ERO1A: variants seen among roughly 807,000 people sequenced by gnomAD.
ERO1A encodes the protein ERO1-like protein alpha.
Under a neutral mutation model 76.9 loss-of-function variants are expected in ERO1A, and 49 were observed. The observed-to-expected ratio is 0.64, with a 90% CI of 0.51 to 0.81. The LOEUF (loss-of-function observed/expected upper bound fraction) is 0.81, where lower values mean the gene tolerates loss of function less well. Ranked by LOEUF, ERO1A falls within the 30% of genes least tolerant of loss-of-function variation. The pLI is 0.00. For missense variants in ERO1A, 448 were observed against 542.1 expected, an observed-to-expected ratio of 0.83 and a Z score of 1.72; for synonymous variants, 174 against 181.2, an observed-to-expected ratio of 0.96 and a Z score of 0.32.
Position 52,640,519 on chromosome 14 carries a change from G to C in ERO1A, c.*3051C>G, listed in dbSNP as rs2043090357. 1 of 152,248 alleles carries C rather than the reference G, an allele frequency of 6.6e-6. No individual in the cohort carries two copies. The highest frequency in any genetic ancestry group is 2.1e-4 in the South Asian group (1 of 4,838). The allele number at this position is 152,248 out of a possible 1,614,324, so 9.4% of individuals were successfully genotyped here. A position where few individuals can be genotyped will look rare whatever the true frequency, so the allele number is the denominator to read the frequency against. On this transcript the variant is annotated 3_prime_UTR_variant, in exon 16 of 16. Transcript: ENST00000395686. ...AAACAGAGGAGTTTGGCTTTCTCCT[G>C]AAAGTTCCTGAAGTCACTGAAGGAT...
chr14:52,640,370 T>C lies in ERO1A; in HGVS notation c.*3200A>G, dbSNP rs1484010721. On this transcript the variant is annotated 3_prime_UTR_variant, in exon 16 of 16. Coordinates refer to ENST00000395686, the MANE Select transcript of ERO1A (RefSeq NM_014584.3). Reference sequence around the variant, plus strand: ...AAGTGGGGAAGGATGACTAGCATACTTGATGCAAAGAGTACAGCATTTACC... The same window carrying C: ...AAGTGGGGAAGGATGACTAGCATACCTGATGCAAAGAGTACAGCATTTACC... The C allele has an allele frequency of 6.6e-6, 1 of 152,230 alleles. No homozygotes were observed. Among genetic ancestry groups the C allele is most frequent in the Non-Finnish European group, 1.5e-5 (1 of 68,052 alleles). 9.4% of individuals were successfully genotyped at this position (152,230 alleles called of 1,614,324 possible).
intron 13 of ERO1A, among the ~76,000 whole-genome samples, chr14:52,649,421 T>C (rs2039777247): frequency 6.6e-6 from 1 of 152,198 alleles, no homozygotes; most frequent in Admixed American, 6.5e-5. Context: ...AACTGCTTTT[T>C]AAAAAAGTAA....
chr14:52,695,323 G>T, intron 1 of ERO1A, 45 bp downstream of exon 1: 1 of 1,303,352 alleles, frequency 7.7e-7, no homozygotes, highest in Non-Finnish European at 1.0e-6. Flanking sequence ...AGTGCACGCC[G>T]CGGAGGGCGC....
At chr14:52,646,490 A>G (rs895368671) in intron 13 of ERO1A, 29 bp from the exon 14 acceptor site, 1 of 1,527,256 alleles carries the variant, frequency 6.5e-7, no homozygotes, top group African/African-American at 1.4e-5. Context: ...GATTTTATTA[A>G]GATGTAATAT....
At chr14:52,658,487 C>G in intron 9 of ERO1A, 1 of 192,652 alleles carries the variant, frequency 5.2e-6, no homozygotes, top group Non-Finnish European at 1.0e-5. Flanking sequence ...GCCTTGATAA[C>G]AATTCATGCC....
At chr14:52,666,911 A>G (rs975657342) in intron 6 of ERO1A, among the ~76,000 whole-genome samples, 1 of 152,234 alleles carries the variant, frequency 6.6e-6, no homozygotes, top group African/African-American at 2.4e-5. Flanking sequence ...AGCTTGGGTG[A>G]CAGAGCGAGA....
At chr14:52,667,489 G>A (rs1162880376) in intron 6 of ERO1A, among the ~76,000 whole-genome samples, 1 of 152,148 alleles carries the variant, frequency 6.6e-6, no homozygotes, top group African/African-American at 2.4e-5. Context: ...GGAGGCCTGG[G>A]GGCAGACTGC....
chr14:52,644,741 G>A (rs2039587200), intron 15 of ERO1A, among the ~76,000 whole-genome samples: 1 of 151,904 alleles, frequency 6.6e-6, no homozygotes, highest in African/African-American at 2.4e-5. Flanking sequence ...AGTATTAAAC[G>A]TATGACTACA....
rs368537829 is a variant in ERO1A, at chr14:52,652,207, T to C, written c.1125+32A>G. On this transcript the variant is annotated intron_variant, in intron 13 of 15. Transcript: ENST00000395686. ...CATATCTGCATAAGTGTTAATCAGTTTGTATCTAACAGTTAAGTATAAAGT... is the reference window on the plus strand; with the variant it reads ...CATATCTGCATAAGTGTTAATCAGTCTGTATCTAACAGTTAAGTATAAAGT... 7.0e-6 allele frequency: 9 copies of C among 1,277,504 alleles called. No homozygotes were observed. The African/African-American group carries it at 8.8e-5, about 12-fold the overall frequency. 79.1% of individuals were successfully genotyped at this position (1,277,504 alleles called of 1,614,324 possible).
intron 1 of ERO1A, among the ~76,000 whole-genome samples, chr14:52,685,690 A>G (rs1402907178): frequency 1.3e-5 from 2 of 152,184 alleles, no homozygotes; most frequent in East Asian, 3.9e-4. Context: ...TTCATTTTTA[A>G]GGTTAAAATA....
At chr14:52,672,158 T>A in intron 4 of ERO1A, 1 of 213,022 alleles carries the variant, frequency 4.7e-6, no homozygotes, top group East Asian at 1.3e-4. Context: ...TACAAAAAAT[T>A]AGCAGGGCGT....
rs1342742130 is a variant in ERO1A at position 52,641,439 on chromosome 14, A to G, written c.*2131T>C. 4.2e-5 allele frequency: 6 copies of G among 143,558 alleles called. No homozygotes were observed. The highest frequency in any genetic ancestry group is 9.1e-5 in the Non-Finnish European group (6 of 66,052). The allele number at this position is 143,558 out of a possible 1,614,324, so 8.9% of individuals were successfully genotyped here. On this transcript the variant is annotated 3_prime_UTR_variant, in exon 16 of 16. Coordinates refer to ENST00000395686, the MANE Select transcript of ERO1A (RefSeq NM_014584.3). ...ACACGGTGAAACACTGCCTCTACTA[A>G]AAATACAAAAAAAAAAAAAAAAAAA...
Position 52,652,434 on chromosome 14 carries a change from C to T in ERO1A, c.1056-126G>A, listed in dbSNP as rs1328813420. 1.2e-5 allele frequency: 7 copies of T among 596,320 alleles called. No homozygotes were observed. In the East Asian group the frequency reaches 1.9e-4, roughly 16 times the overall value. The allele number at this position is 596,320 out of a possible 1,614,324, so 36.9% of individuals were successfully genotyped here. A position where few individuals can be genotyped will look rare whatever the true frequency, so the allele number is the denominator to read the frequency against. ...ACATAGTAAAACCAACACTCCGATGCCCCAAATCAAATTCTTATCCTCAAA... is the reference window on the plus strand; with the variant it reads ...ACATAGTAAAACCAACACTCCGATGTCCCAAATCAAATTCTTATCCTCAAA... On this transcript the variant is annotated intron_variant, in intron 12 of 15. Coordinates refer to ENST00000395686, the MANE Select transcript of ERO1A (RefSeq NM_014584.3).
intron 8 of ERO1A, among the ~76,000 whole-genome samples, chr14:52,662,876 G>A (rs1393773542): frequency 1.3e-5 from 2 of 152,062 alleles, no homozygotes; most frequent in Non-Finnish European, 2.9e-5. Flanking sequence ...CTACCCATAT[G>A]GCAGAGTACT....
chr14:52,665,607 A>G (rs1245488485), intron 7 of ERO1A, among the ~76,000 whole-genome samples: 2 of 151,808 alleles, frequency 1.3e-5, no homozygotes, highest in Admixed American at 1.3e-4. Flanking sequence ...CTAAGACAGC[A>G]TAATGTGCTC....
chr14:52,695,015 A>G (rs1234464769), intron 1 of ERO1A, among the ~76,000 whole-genome samples: 1 of 152,226 alleles, frequency 6.6e-6, no homozygotes, highest in Non-Finnish European at 1.5e-5. Flanking sequence ...GAGAAGTGAG[A>G]AAGATCCAGG....
At chr14:52,661,001 C>T (rs938377866) in intron 9 of ERO1A, among the ~76,000 whole-genome samples, 20 of 152,092 alleles carry the variant, frequency 1.3e-4, no homozygotes, top group African/African-American at 4.6e-4. Flanking sequence ...AGGACATTTC[C>T]CTGGCCTGAG....
intron 12 of ERO1A, among the ~76,000 whole-genome samples, chr14:52,652,847 A>T (rs1339217067): frequency 6.6e-6 from 1 of 151,900 alleles, no homozygotes; most frequent in East Asian, 1.9e-4. Context: ...AAAATACAAA[A>T]ATTAGCCCGG....
chr14:52,648,921 C>G (rs1411563942), intron 13 of ERO1A, among the ~76,000 whole-genome samples: 1 of 152,016 alleles, frequency 6.6e-6, no homozygotes, highest in Non-Finnish European at 1.5e-5. Flanking sequence ...ACTTAATATG[C>G]TAGGACCAAA....
Sources: allele counts gnomAD v4.1 joint callset (sites outside exome capture counted in the v4.1 genomes callset), GRCh38; gene constraint gnomAD v4.1.1; transcripts MANE v1.5; gene names NCBI Gene and HGNC (gene_info 2026-07-23, HGNC 2026-07-21).